The following MAP2K6 variants were observed in gnomAD, a reference collection of about 807,000 sequenced individuals.
MAP2K6 encodes dual specificity mitogen-activated protein kinase kinase 6.
MAP2K6 carries 16 observed loss-of-function variants against 53.7 expected under a neutral mutation model. The ratio of observed to expected loss-of-function variants is 0.30; its 90% CI spans 0.20 to 0.45. The LOEUF is 0.45. Among genes scored for constraint, MAP2K6 ranks in the 20% least tolerant of loss-of-function variants. The pLI is 1.00. For synonymous variants in MAP2K6, 132 were observed against 143.1 expected (o/e 0.92, Z 0.55); for missense variants, 204 against 411.9 (o/e 0.50, Z 4.37).
intron 1 of MAP2K6, among the ~76,000 whole-genome samples, chr17:69,439,956 C>T (rs1328796579): frequency 1.3e-5 from 2 of 152,150 alleles, no homozygotes; most frequent in Non-Finnish European, 2.9e-5. Context: ...CTATTATTAC[C>T]ATTAAAAAGG....
At chr17:69,508,375 G>C (rs987791388) in intron 2 of MAP2K6, among the ~76,000 whole-genome samples, 1 of 152,026 alleles carries the variant, frequency 6.6e-6, no homozygotes, top group Admixed American at 6.5e-5. Context: ...CCTATATGTA[G>C]TTTTAATTTA....
At chr17:69,459,934 C>T (rs1411727047) in intron 1 of MAP2K6, among the ~76,000 whole-genome samples, 1 of 150,186 alleles carries the variant, frequency 6.7e-6, no homozygotes, top group African/African-American at 2.5e-5. Context: ...CCCTTCGTTC[C>T]TCTTTTTCTT....
In MAP2K6 at chr17:69,513,963, C is replaced by T. The variant is rs557448043; in HGVS notation, c.84-2892C>T. 5.9e-5 allele frequency among the ~76,000 whole-genome samples: 9 copies of T among 152,038 alleles called. No individual in the cohort carries two copies. The South Asian group carries it at 6.2e-4, about 11-fold the overall frequency. ...AACACTGTCTCTACTACAACTACAA[C>T]GATTAGCCAGGTGTGGTGCCTGTAA... On this transcript the variant is annotated intron_variant, in intron 2 of 11. Transcript: ENST00000590474.
chr17:69,525,835 T>A (rs1910743798), intron 9 of MAP2K6, among the ~76,000 whole-genome samples: 1 of 152,212 alleles, frequency 6.6e-6, no homozygotes, highest in African/African-American at 2.4e-5. Flanking sequence ...ATCAGTCAGG[T>A]ATATCCTCAA....
chr17:69,448,608 T>A (rs1446304251), intron 1 of MAP2K6, among the ~76,000 whole-genome samples: 1 of 152,070 alleles, frequency 6.6e-6, no homozygotes, highest in Non-Finnish European at 1.5e-5. Context: ...TTCTGCTTTT[T>A]TTTTTCTCAG....
At chr17:69,430,670 A>G (rs569307697) in intron 1 of MAP2K6, among the ~76,000 whole-genome samples, 1 of 152,202 alleles carries the variant, frequency 6.6e-6, no homozygotes, top group African/African-American at 2.4e-5. Context: ...ACCTGTACAC[A>G]GCTCTCTAAG....
chr17:69,526,816 C>A, intron 10 of MAP2K6, 107 bp downstream of exon 10: 3 of 1,361,736 alleles, frequency 2.2e-6, no homozygotes, highest in Non-Finnish European at 2.9e-6. Context: ...ATTCCGAAAG[C>A]ATTTGTGGAG....
chr17:69,447,202 C>T (rs1388983831), intron 1 of MAP2K6, among the ~76,000 whole-genome samples: 2 of 151,992 alleles, frequency 1.3e-5, no homozygotes, highest in East Asian at 3.9e-4. Flanking sequence ...TGGTTTCGAA[C>T]TCCTGACCTC....
chr17:69,468,285 G>A (rs1907877992), intron 1 of MAP2K6, among the ~76,000 whole-genome samples: 1 of 152,172 alleles, frequency 6.6e-6, no homozygotes, highest in South Asian at 2.1e-4. Flanking sequence ...AGCCTCTGCT[G>A]TAATCTCTCA....
intron 1 of MAP2K6, among the ~76,000 whole-genome samples, chr17:69,468,282 G>C (rs1167991759): frequency 6.6e-6 from 1 of 152,124 alleles, no homozygotes; most frequent in Admixed American, 6.6e-5. Flanking sequence ...TTGAGCCTCT[G>C]CTGTAATCTC....
At chr17:69,453,894 G>A (rs946775460) in intron 1 of MAP2K6, among the ~76,000 whole-genome samples, 1 of 152,138 alleles carries the variant, frequency 6.6e-6, no homozygotes, top group Non-Finnish European at 1.5e-5. Context: ...AAAGCTTCCC[G>A]GGGGATTCCA....
intron 1 of MAP2K6, among the ~76,000 whole-genome samples, chr17:69,422,124 A>ATTTT (rs35694490): frequency 5.8e-4 from 51 of 87,372 alleles, no homozygotes; most frequent in Non-Finnish European, 6.6e-4. Flanking sequence ...AATCATCGTA[A>ATTTT]TTTTTTTTTT....
chr17:69,429,789 A>G (rs1397460182), intron 1 of MAP2K6, among the ~76,000 whole-genome samples: 1 of 152,218 alleles, frequency 6.6e-6, no homozygotes, highest in African/African-American at 2.4e-5. Flanking sequence ...GCTGATGTCC[A>G]TCATCCATCA....
At chr17:69,441,882 G>C (rs1291223764) in intron 1 of MAP2K6, among the ~76,000 whole-genome samples, 2 of 152,100 alleles carry the variant, frequency 1.3e-5, no homozygotes, top group Non-Finnish European at 2.9e-5. Context: ...ACTGATAGGT[G>C]GGGGTGCTTC....
chr17:69,431,706 C>T lies in MAP2K6; in HGVS notation c.16+16706C>T, dbSNP rs146834806. Among the ~76,000 whole-genome samples the T allele has an allele frequency of 2.0e-3, 311 of 152,256 alleles. 1 individual carries two copies. The highest frequency in any genetic ancestry group is 7.1e-3 in the African/African-American group (293 of 41,532). ...CCCTCCCTTTGCAGGGTCCCTCATT[C>T]GGCTTTTCTCTGAGGGTCTTCTCTG... On this transcript the variant is annotated intron_variant, in intron 1 of 11. Transcript: ENST00000590474.
intron 1 of MAP2K6, among the ~76,000 whole-genome samples, chr17:69,454,168 T>A (rs1907322427): frequency 6.6e-6 from 1 of 152,228 alleles, no homozygotes; most frequent in Non-Finnish European, 1.5e-5. Context: ...CTATTGGGAT[T>A]TGACTGATGT....
chr17:69,529,659 C>T (rs1052200492), intron 10 of MAP2K6, among the ~76,000 whole-genome samples: 9 of 151,638 alleles, frequency 5.9e-5, no homozygotes, highest in Non-Finnish European at 8.8e-5. Context: ...TACAGGTGCC[C>T]GCCACCACGC....
At chr17:69,537,802 G>A (rs1161626769) in intron 11 of MAP2K6, among the ~76,000 whole-genome samples, 2 of 152,166 alleles carry the variant, frequency 1.3e-5, no homozygotes, top group Non-Finnish European at 2.9e-5. Context: ...AAGGAAATAT[G>A]AGTAATGTTT....
chr17:69,436,631 C>T (rs1906650380), intron 1 of MAP2K6, among the ~76,000 whole-genome samples: 3 of 152,040 alleles, frequency 2.0e-5, no homozygotes, highest in Non-Finnish European at 2.9e-5. Context: ...ATTCATCCTC[C>T]CTTTTCTAGT....
Sources: gnomAD v4.1 joint callset for allele counts (sites outside exome capture counted in the v4.1 genomes callset) on GRCh38, gnomAD v4.1.1 for gene constraint, MANE v1.5 for transcripts, NCBI Gene and HGNC (gene_info 2026-07-23, HGNC 2026-07-21) for gene names.